The following AAK1 variants were observed in gnomAD, a reference collection of about 807,000 sequenced individuals.
The protein encoded by AAK1 is AP2 associated kinase 1.
Under a neutral mutation model 116.0 loss-of-function variants are expected in AAK1, and 37 were observed. That is an observed-to-expected ratio of 0.32 (90% CI 0.25 to 0.42). AAK1 has a LOEUF of 0.42. Among genes scored for constraint, AAK1 ranks in the 10% least tolerant of loss-of-function variants. The pLI is 1.00. For synonymous variants in AAK1, 458 were observed against 439.9 expected, an observed-to-expected ratio of 1.04 and a Z score of -0.51; for missense variants, 919 against 1,170.6, an observed-to-expected ratio of 0.79 and a Z score of 3.14.
chr2:69,580,335 G>A (rs1368631814), intron 2 of AAK1, among the ~76,000 whole-genome samples: 4 of 151,860 alleles, frequency 2.6e-5, no homozygotes, highest in Non-Finnish European at 4.4e-5. Context: ...AGACTTCATG[G>A]GACCATCATG....
intron 2 of AAK1, among the ~76,000 whole-genome samples, chr2:69,638,122 C>T (rs1440421888): frequency 6.6e-6 from 1 of 152,174 alleles, no homozygotes; most frequent in Non-Finnish European, 1.5e-5. Context: ...ACCAGACTTC[C>T]CAGCAGGCAA....
chr2:69,583,806 G>A (rs879730093), intron 2 of AAK1, among the ~76,000 whole-genome samples: 3 of 151,976 alleles, frequency 2.0e-5, no homozygotes, highest in African/African-American at 7.3e-5. Flanking sequence ...ATTCTAAGTT[G>A]ACTTCGTTCC....
In AAK1 at chr2:69,470,431, T is replaced by TAATA. The variant is rs1674637646; in HGVS notation, c.*5437_*5438insTATT. On this transcript the variant is annotated 3_prime_UTR_variant, in exon 22 of 22. Coordinates refer to ENST00000409085, the MANE Select transcript of AAK1 (RefSeq NM_014911.5). ...TAGCTCACATAACAAAATTAAGCAT[T>TAATA]TGGTTCCACCATATATTAGGTAGCT... 1.0e-5 allele frequency: 10 copies of TAATA among 985,304 alleles called. No individual in the cohort carries two copies. Among genetic ancestry groups the TAATA allele is most frequent in the Non-Finnish European group, 1.2e-5 (10 of 829,930 alleles). 61.0% of individuals were successfully genotyped at this position (985,304 alleles called of 1,614,324 possible).
intron 2 of AAK1, among the ~76,000 whole-genome samples, chr2:69,607,433 G>T (rs140818464): frequency 6.6e-6 from 1 of 152,264 alleles, no homozygotes; most frequent in Non-Finnish European, 1.5e-5. Flanking sequence ...TTCTGATGAT[G>T]CGTTAACACT....
intron 2 of AAK1, among the ~76,000 whole-genome samples, chr2:69,584,198 G>A (rs1456581273): frequency 2.0e-5 from 3 of 152,050 alleles, no homozygotes; most frequent in African/African-American, 7.2e-5. Context: ...TAACAATCTA[G>A]CATCTTCCTT....
chr2:69,529,700 G>T (rs1670172219), intron 8 of AAK1, among the ~76,000 whole-genome samples: 1 of 152,106 alleles, frequency 6.6e-6, no homozygotes, highest in Non-Finnish European at 1.5e-5. Flanking sequence ...TGAGTCAGCT[G>T]GACTCCTTTG....
intron 13 of AAK1, among the ~76,000 whole-genome samples, chr2:69,511,487 C>A (rs1004566562): frequency 2.0e-5 from 3 of 152,210 alleles, no homozygotes; most frequent in Non-Finnish European, 4.4e-5. Flanking sequence ...AGCTCCAGCT[C>A]CACAACTTCC....
At chr2:69,504,397 C>CAAAAAAAA (rs57214954) in intron 16 of AAK1, among the ~76,000 whole-genome samples, 4 of 57,784 alleles carry the variant, frequency 6.9e-5, no homozygotes, top group African/African-American at 2.1e-4. Flanking sequence ...GACTCCATCT[C>CAAAAAAAA]AAAAAAAAAA....
chr2:69,596,353 C>A (rs1463027827), intron 2 of AAK1, among the ~76,000 whole-genome samples: 1 of 151,918 alleles, frequency 6.6e-6, no homozygotes, highest in Non-Finnish European at 1.5e-5. Context: ...TCCCCAGTAG[C>A]TAGGATTACA....
At chr2:69,500,698 T>TACATACAC (rs1675947959) in intron 16 of AAK1, among the ~76,000 whole-genome samples, 1 of 65,102 alleles carries the variant, frequency 1.5e-5, no homozygotes, top group East Asian at 5.2e-4. Context: ...TATATATATA[T>TACATACAC]ACACACACAC....
intron 11 of AAK1, chr2:69,520,192 A>C (rs1335723162): frequency 4.6e-6 from 1 of 217,856 alleles, no homozygotes; most frequent in Non-Finnish European, 9.9e-6. Context: ...ATTTCTTTAA[A>C]GGCAAAGGGA....
At chr2:69,576,827 A>C (rs1672335492) in intron 2 of AAK1, among the ~76,000 whole-genome samples, 1 of 152,228 alleles carries the variant, frequency 6.6e-6, no homozygotes, top group African/African-American at 2.4e-5. Flanking sequence ...TGACCATGGA[A>C]GTGTCTCCAC....
chr2:69,643,368 G>T, intron 1 of AAK1, 94 bp from the exon 2 acceptor site: 2 of 1,195,530 alleles, frequency 1.7e-6, no homozygotes, highest in Non-Finnish European at 1.0e-6. Flanking sequence ...CATCATCCTG[G>T]GGAAACGCTT....
At position 69,473,423 on chromosome 2, in the gene AAK1, T is replaced by C. The variant is rs1310770880; in HGVS notation, c.*2446A>G. 4.1e-6 allele frequency: 4 copies of C among 985,448 alleles called. No individual in the cohort carries two copies. The highest frequency in any genetic ancestry group is 4.8e-6 in the Non-Finnish European group (4 of 829,936). The allele number at this position is 985,448 out of a possible 1,614,324, so 61.0% of individuals were successfully genotyped here. A position where few individuals can be genotyped will look rare whatever the true frequency, so the allele number is the denominator to read the frequency against. ...AGGAAGGCTCCGTTTACCAAAGCAC[T>C]CATATGTGTTCCTTAACAGAAAAAT... is the stretch of plus-strand genomic sequence containing the variant. On this transcript the variant is annotated 3_prime_UTR_variant, in exon 22 of 22. Transcript: ENST00000409085.
At position 69,518,911 on chromosome 2, in the gene AAK1, T is replaced by C. The variant is rs1476569829; in HGVS notation, c.1497+43A>G. The C allele has an allele frequency of 7.4e-6, 11 of 1,495,220 alleles. No individual in the cohort carries two copies. In the South Asian group the frequency reaches 1.5e-4, roughly 20 times the overall value. The allele number at this position is 1,495,220 out of a possible 1,614,324, so 92.6% of individuals were successfully genotyped here. ...TACCTAGTGGGCCTTTTCACAGTCA[T>C]GACTCAGATATGCAAGCAAGGGCCA... On this transcript the variant is annotated intron_variant, in intron 12 of 21. Transcript: ENST00000409085.
At chr2:69,518,883 C>A in intron 12 of AAK1, 71 bp downstream of exon 12, 1 of 1,468,070 alleles carries the variant, frequency 6.8e-7, no homozygotes, top group Admixed American at 2.5e-5. Context: ...GGGAAGACAC[C>A]TTTACCTAGT....
intron 2 of AAK1, among the ~76,000 whole-genome samples, chr2:69,640,050 CACA>C (rs1675642201): frequency 8.4e-6 from 1 of 119,578 alleles, no homozygotes. Flanking sequence ...CACACACACA[CACA>C]CTCTCTCTCT....
At chr2:69,596,335 C>T (rs560449536) in intron 2 of AAK1, among the ~76,000 whole-genome samples, 1 of 151,930 alleles carries the variant, frequency 6.6e-6, no homozygotes, top group African/African-American at 2.4e-5. Context: ...ATTCTCCCCA[C>T]CTCAGCCTCC....
chr2:69,547,285 C>G (rs1670966962), intron 3 of AAK1, among the ~76,000 whole-genome samples: 1 of 152,136 alleles, frequency 6.6e-6, no homozygotes, highest in South Asian at 2.1e-4. Context: ...AAATTAAAAA[C>G]TTGTGTTTCA....
Sources: gnomAD v4.1 joint callset for allele counts (sites outside exome capture counted in the v4.1 genomes callset) on GRCh38, gnomAD v4.1.1 for gene constraint, MANE v1.5 for transcripts, NCBI Gene and HGNC (gene_info 2026-07-23, HGNC 2026-07-21) for gene names.